The following HK1 variants were observed in gnomAD, a reference collection of about 807,000 sequenced individuals.
HK1 encodes hexokinase-1.
A neutral mutation model predicts 91.6 loss-of-function variants in HK1; 28 were observed. The ratio of observed to expected loss-of-function variants is 0.31; its 90% confidence interval spans 0.23 to 0.42. The LOEUF is 0.42. Among genes scored for constraint, HK1 ranks in the 10% least tolerant of loss-of-function variants. The probability of loss-of-function intolerance (pLI) is 1.00; values close to 1 mark genes in which losing one functional copy is unlikely to be tolerated. For synonymous variants in HK1, 430 were observed against 468.1 expected (o/e 0.92, Z 1.05); for missense variants, 770 against 1,219.8 (o/e 0.63, Z 5.49).
rs574502411 is a variant in HK1, at chr10:69,288,643, G to A, written c.-214-28G>A. ...ATGAGACCGACAATCCTCTGACCCT[G>A]CCTTCTTTGAACTTGGCCTTTCTCT... On this transcript the variant is annotated intron_variant, in intron 2 of 21. Coordinates refer to the HK1 transcript ENST00000360289. The A allele has an allele frequency of 1.3e-5, 14 of 1,042,682 alleles. No individual in the cohort carries two copies. The East Asian group carries it at 2.8e-4, about 21-fold the overall frequency. 64.6% of individuals were successfully genotyped at this position (1,042,682 alleles called of 1,614,324 possible).
At chr10:69,398,511 GC>G (rs1166602910) in intron 16 of HK1, 83 bp from the exon 17 acceptor site, 7 of 937,150 alleles carry the variant, frequency 7.5e-6, no homozygotes, top group Non-Finnish European at 1.0e-5. Flanking sequence ...GTGATTGGGG[GC>G]GGGGGGCGTC....
At position 69,299,428 on chromosome 10, in the gene HK1, C is replaced by T. The variant is rs185090155; in HGVS notation, c.-66-1341C>T. Reference sequence around the variant, plus strand: ...TGTTGCCCAGGCTGGAGTGCAATGGCGTGATCTCGGCTCCTGCAACCTTCG... The same window carrying T: ...TGTTGCCCAGGCTGGAGTGCAATGGTGTGATCTCGGCTCCTGCAACCTTCG... On this transcript the variant is annotated intron_variant, in intron 4 of 21. Transcript: ENST00000360289. Among the ~76,000 whole-genome samples the T allele has an allele frequency of 3.3e-4, 50 of 151,544 alleles. 1 individual carries two copies. Among genetic ancestry groups the T allele is most frequent in the African/African-American group, 1.1e-3 (46 of 41,014 alleles).
intron 1 of HK1, chr10:69,270,867 T>C (rs901870852): frequency 1.3e-5 from 2 of 152,252 alleles, no homozygotes; most frequent in African/African-American, 4.8e-5. Context: ...ACATACTGGC[T>C]GGCATTGAGT....
chr10:69,391,973 C>A, intron 14 of HK1, 152 bp from the exon 15 acceptor site: 1 of 757,928 alleles, frequency 1.3e-6, no homozygotes, highest in Non-Finnish European at 2.3e-6. Flanking sequence ...CAAATTTTTC[C>A]ATTTCAAAAT....
intron 8 of HK1, among the ~76,000 whole-genome samples, chr10:69,378,326 T>C (rs1038416588): frequency 6.6e-6 from 1 of 151,626 alleles, no homozygotes; most frequent in East Asian, 1.9e-4. Flanking sequence ...AAAAAAACTA[T>C]AAAAACATCC....
In HK1 at chr10:69,401,740, G is replaced by C. The variant is rs1840402089; in HGVS notation, c.*605G>C. The C allele has an allele frequency of 5.1e-6, 1 of 196,446 alleles. No homozygotes were observed. The highest frequency in any genetic ancestry group is 1.1e-5 in the Non-Finnish European group (1 of 92,426). The allele number at this position is 196,446 out of a possible 1,614,324, so 12.2% of individuals were successfully genotyped here. The stretch of plus-strand genomic sequence containing the variant: ...AGTCTTGCATTCTGTTTGTCTCGTG[G>C]GGGGAGGTGGACAGTCCTGCGGAAA... On this transcript the variant is annotated 3_prime_UTR_variant, in exon 18 of 18. Coordinates refer to ENST00000359426, the MANE Select transcript of HK1 (RefSeq NM_000188.3).
chr10:69,383,413 A>G (rs1839487917), intron 10 of HK1, among the ~76,000 whole-genome samples: 1 of 152,230 alleles, frequency 6.6e-6, no homozygotes, highest in African/African-American at 2.4e-5. Context: ...GGAGCTGATC[A>G]TTATGGGGAA....
At chr10:69,389,153 C>A in intron 13 of HK1, 44 bp from the exon 14 acceptor site, 2 of 1,434,912 alleles carry the variant, frequency 1.4e-6, no homozygotes, top group Non-Finnish European at 2.0e-6. Context: ...TCAAGCCAGG[C>A]ATAGTGATCC....
intron 8 of HK1, among the ~76,000 whole-genome samples, chr10:69,379,650 G>A (rs1839286725): frequency 6.6e-6 from 1 of 152,146 alleles, no homozygotes; most frequent in African/African-American, 2.4e-5. Context: ...GTGCAACCTG[G>A]TACAGTTTTT....
At chr10:69,321,050 G>C (rs2132574495) in intron 1 of HK1, among the ~76,000 whole-genome samples, 1 of 152,276 alleles carries the variant, frequency 6.6e-6, no homozygotes, top group East Asian at 1.9e-4. Context: ...TTAAGGCCAA[G>C]GTTTCCACCA....
intron 1 of HK1, among the ~76,000 whole-genome samples, chr10:69,280,242 G>C (rs1312783235): frequency 2.6e-5 from 4 of 152,108 alleles, no homozygotes; most frequent in African/African-American, 9.7e-5. Flanking sequence ...CTCCCAAGTA[G>C]CTGGGACTAC....
rs566974870 is a variant in HK1, at chr10:69,335,404, G to A, written c.64-8423G>A. ...CTCCTGGAGGTCACACTGGAGTGGCGTGCTTTTGGCAAGGCCAGGCAGCCA... is the reference window on the plus strand; with the variant it reads ...CTCCTGGAGGTCACACTGGAGTGGCATGCTTTTGGCAAGGCCAGGCAGCCA... On this transcript the variant is annotated intron_variant, in intron 1 of 17. Transcript: ENST00000359426. 4.2e-3 allele frequency among the ~76,000 whole-genome samples: 633 copies of A among 152,308 alleles called. 18 individuals carry two copies. Among genetic ancestry groups the A allele is most frequent in the Admixed American group, 0.025 (388 of 15,304 alleles).
intron 1 of HK1, chr10:69,338,680 A>AGTGTGTGT (rs10578071): frequency 3.4e-6 from 4 of 1,168,554 alleles, no homozygotes; most frequent in South Asian, 1.3e-5. Flanking sequence ...TGGAGATGTG[A>AGTGTGTGT]GTGTGTGTGT....
chr10:69,285,373 G>A (rs111389322), intron 2 of HK1, among the ~76,000 whole-genome samples: 2 of 151,996 alleles, frequency 1.3e-5, no homozygotes, highest in African/African-American at 2.4e-5. Flanking sequence ...GCAGTAAGCC[G>A]AGATTGCGCC....
chr10:69,385,530 A>G (rs1474410583), intron 12 of HK1, among the ~76,000 whole-genome samples: 1 of 152,104 alleles, frequency 6.6e-6, no homozygotes, highest in East Asian at 1.9e-4. Flanking sequence ...GGCAGAAGGA[A>G]CCAATGGTGC....
chr10:69,400,654 C>T (rs1840345917), intron 17 of HK1, among the ~76,000 whole-genome samples: 1 of 152,172 alleles, frequency 6.6e-6, no homozygotes, highest in Admixed American at 6.5e-5. Flanking sequence ...CCTTCATAAG[C>T]CATACAGAGC....
At chr10:69,301,586 A>AG (rs1845873817) in intron 5 of HK1, among the ~76,000 whole-genome samples, 2 of 151,142 alleles carry the variant, frequency 1.3e-5, no homozygotes, top group African/African-American at 2.4e-5. Flanking sequence ...AAAAAAAAAA[A>AG]AAAAAAAAAG....
At chr10:69,295,976 A>G (rs1034055914) in intron 4 of HK1, among the ~76,000 whole-genome samples, 2 of 152,128 alleles carry the variant, frequency 1.3e-5, no homozygotes, top group African/African-American at 4.8e-5. Context: ...TTGGGGATGC[A>G]TGGTGTCCTG....
intron 2 of HK1, among the ~76,000 whole-genome samples, chr10:69,283,798 C>CA (rs571297748): frequency 0.16 from 10,668 of 67,436 alleles, 989 homozygotes; most frequent in Middle Eastern, 0.24. Context: ...GACTCTGTCT[C>CA]AAAAAAAAAA....
Sources: gnomAD v4.1 joint callset for allele counts (sites outside exome capture counted in the v4.1 genomes callset) on GRCh38, gnomAD v4.1.1 for gene constraint, MANE v1.5 for transcripts, NCBI Gene and HGNC (gene_info 2026-07-23, HGNC 2026-07-21) for gene names.